Variants in RBFOX3 observed in about 807,000 individuals in gnomAD.
RBFOX3 encodes the protein RNA binding fox-1 homolog 3.
In RBFOX3, 17 loss-of-function variants were observed where a neutral mutation model predicts 48.7. The ratio of observed to expected loss-of-function variants is 0.35; its 90% confidence interval spans 0.24 to 0.52. RBFOX3 has a LOEUF of 0.52. RBFOX3 is among the 20% of genes least tolerant of loss of function. The probability of loss-of-function intolerance (pLI) is 0.94; values close to 1 mark genes in which losing one functional copy is unlikely to be tolerated. For missense variants in RBFOX3, 382 were observed against 497.5 expected (o/e 0.77, Z 2.21); for synonymous variants, 212 against 209.5 (o/e 1.01, Z -0.10).
At chr17:79,413,953 G>A (rs1224462710) in intron 2 of RBFOX3, among the ~76,000 whole-genome samples, 1 of 152,084 alleles carries the variant, frequency 6.6e-6, no homozygotes, top group East Asian at 1.9e-4. Flanking sequence ...GGGTAGGAGA[G>A]GGGGCATGTA....
intron 2 of RBFOX3, among the ~76,000 whole-genome samples, chr17:79,461,394 T>C (rs554417739): frequency 1.3e-5 from 2 of 152,308 alleles, no homozygotes; most frequent in South Asian, 2.1e-4. Flanking sequence ...CCTGGGACAG[T>C]GAGTTGAACA....
At chr17:79,206,033 G>C (rs2057437349) in intron 4 of RBFOX3, among the ~76,000 whole-genome samples, 1 of 152,156 alleles carries the variant, frequency 6.6e-6, no homozygotes, top group African/African-American at 2.4e-5. Flanking sequence ...CATTGAGCTA[G>C]ACGGGCAGGA....
At chr17:79,102,168 A>G (rs1466541765) in intron 8 of RBFOX3, among the ~76,000 whole-genome samples, 3 of 152,160 alleles carry the variant, frequency 2.0e-5, no homozygotes, top group Non-Finnish European at 4.4e-5. Flanking sequence ...CGAGGCCGAC[A>G]GGGAGGGGGG....
At chr17:79,206,764 G>A (rs923068470) in intron 4 of RBFOX3, among the ~76,000 whole-genome samples, 1 of 152,168 alleles carries the variant, frequency 6.6e-6, no homozygotes, top group African/African-American at 2.4e-5. Flanking sequence ...GGCTATGGCA[G>A]CTGGTGGATG....
At chr17:79,653,120 A>G in the RBFOX3 span, among the ~76,000 whole-genome samples, 950 of 152,362 alleles carry the variant, frequency 6.2e-3, 12 homozygotes, top group African/African-American at 0.022. Context: ...TGAGAACAGA[A>G]TAAAGAGGCT....
In RBFOX3 at chr17:79,249,664, GC is replaced by G. The variant is rs2063657847; in HGVS notation, c.-73-13860del. Among the ~76,000 whole-genome samples, 1 of 151,640 alleles carries G rather than the reference GC, an allele frequency of 6.6e-6. No homozygotes were observed. Among genetic ancestry groups the G allele is most frequent in the South Asian group, 2.1e-4 (1 of 4,768 alleles). On this transcript the variant is annotated intron_variant, in intron 3 of 14. Coordinates refer to ENST00000693108, the MANE Select transcript of RBFOX3 (RefSeq NM_001350451.2). This position sits in a 1 kb window ranked among gnomAD's most constrained non-coding sequence, Gnocchi z 4.1. ...TCACTGAAATGATCCAAACCAGCCAGCCCCAAAACCACTTCCCCTGCCTCGC... is the reference window on the plus strand; with the variant it reads ...TCACTGAAATGATCCAAACCAGCCAGCCCAAAACCACTTCCCCTGCCTCGC...
chr17:79,093,739 T>G (rs1009651793), intron 14 of RBFOX3, among the ~76,000 whole-genome samples: 1 of 150,702 alleles, frequency 6.6e-6, no homozygotes, highest in African/African-American at 2.4e-5. Flanking sequence ...AGGTGTCTGC[T>G]GGAAGCAGCT....
chr17:79,607,145 G>A, intron 1 of RBFOX3, among the ~76,000 whole-genome samples: 1 of 152,260 alleles, frequency 6.6e-6, no homozygotes, highest in South Asian at 2.1e-4. Context: ...CCTTGTGCCA[G>A]GAGCAGGGGC....
intron 2 of RBFOX3, among the ~76,000 whole-genome samples, chr17:79,411,619 C>T (rs948379557): frequency 2.0e-5 from 3 of 152,200 alleles, no homozygotes; most frequent in Non-Finnish European, 2.9e-5. Flanking sequence ...GGTCCCCACG[C>T]CCCCACCTGC....
At chr17:79,656,061 C>T in the RBFOX3 span, among the ~76,000 whole-genome samples, 7 of 152,188 alleles carry the variant, frequency 4.6e-5, no homozygotes, top group Non-Finnish European at 7.3e-5. Flanking sequence ...CTGCCTCCCC[C>T]GCACTCTTGC....
At chr17:79,577,669 G>A (rs987963923) in intron 1 of RBFOX3, among the ~76,000 whole-genome samples, 5 of 152,180 alleles carry the variant, frequency 3.3e-5, no homozygotes, top group Non-Finnish European at 5.9e-5. Flanking sequence ...ACACACACAC[G>A]TCTGTGGCTT....
intron 2 of RBFOX3, among the ~76,000 whole-genome samples, chr17:79,396,929 G>A (rs2062059686): frequency 6.6e-6 from 1 of 152,234 alleles, no homozygotes; most frequent in African/African-American, 2.4e-5. Flanking sequence ...TCCATGGTAG[G>A]GAAGTCTGCA....
intron 1 of RBFOX3, among the ~76,000 whole-genome samples, chr17:79,550,878 T>C (rs1304997851): frequency 2.0e-5 from 3 of 152,334 alleles, no homozygotes; most frequent in Non-Finnish European, 2.9e-5. Context: ...AGAAATAATT[T>C]GACTTTGCAA....
the RBFOX3 span, among the ~76,000 whole-genome samples, chr17:79,638,569 T>C: frequency 2.6e-5 from 4 of 152,170 alleles, no homozygotes; most frequent in African/African-American, 9.7e-5. Context: ...ATCCTATAGT[T>C]TGGATGTTTG....
At chr17:79,410,115 G>A (rs1420154522) in intron 2 of RBFOX3, among the ~76,000 whole-genome samples, 1 of 152,244 alleles carries the variant, frequency 6.6e-6, no homozygotes, top group East Asian at 1.9e-4. Flanking sequence ...GTGAACAGCT[G>A]TTCCCGTGCC....
intron 4 of RBFOX3, among the ~76,000 whole-genome samples, chr17:79,149,864 C>T (rs12946518): frequency 0.66 from 96,673 of 147,572 alleles, 32,635 homozygotes; most frequent in East Asian, 0.72. Context: ...TGCCAGCCTC[C>T]TCCTCTGGGG....
At chr17:79,330,954 G>A (rs941906378) in intron 2 of RBFOX3, among the ~76,000 whole-genome samples, 14 of 152,202 alleles carry the variant, frequency 9.2e-5, no homozygotes, top group African/African-American at 3.4e-4. Context: ...GGATCCTTGT[G>A]TCATTTCACT....
intron 3 of RBFOX3, among the ~76,000 whole-genome samples, chr17:79,272,202 G>A (rs1371110725): frequency 2.6e-5 from 4 of 152,302 alleles, no homozygotes; most frequent in South Asian, 2.1e-4. Context: ...AGCAGCCGCC[G>A]TTGCTATTGG....
intron 1 of RBFOX3, among the ~76,000 whole-genome samples, chr17:79,537,833 T>G (rs1279217027): frequency 1.3e-5 from 2 of 152,026 alleles, no homozygotes; most frequent in South Asian, 2.1e-4. Flanking sequence ...GGTCACTGTC[T>G]CTCCTACACC....
Sources: allele counts gnomAD v4.1 joint callset (sites outside exome capture counted in the v4.1 genomes callset), GRCh38; gene constraint gnomAD v4.1.1; non-coding constraint Gnocchi (gnomAD v3.1); transcripts MANE v1.5; gene names NCBI Gene and HGNC (gene_info 2026-07-23, HGNC 2026-07-21).